Variants in HOXA2 observed in about 807,000 individuals in gnomAD.
HOXA2 encodes the protein homeobox A2.
HOXA2 carries 4 observed loss-of-function variants against 27.2 expected under a neutral mutation model. That is an observed-to-expected ratio of 0.15 (90% CI 0.07 to 0.34). The LOEUF (loss-of-function observed/expected upper bound fraction) is 0.34. HOXA2 is among the 10% of genes least tolerant of loss of function. HOXA2 has a pLI of 1.00. For synonymous variants in HOXA2, 200 were observed against 202.8 expected, an observed-to-expected ratio of 0.99 and a Z score of 0.12; for missense variants, 430 against 473.2, an observed-to-expected ratio of 0.91 and a Z score of 0.85.
In HOXA2 at chr7:27,100,550, G is replaced by A. The variant is rs1271001379; in HGVS notation, c.*176C>T. 1.5e-6 allele frequency: 1 copy of A among 677,506 alleles called. No homozygotes were observed. Among genetic ancestry groups the A allele is most frequent in the Non-Finnish European group, 2.5e-6 (1 of 398,990 alleles). 42.0% of individuals were successfully genotyped at this position (677,506 alleles called of 1,614,324 possible). A position where few individuals can be genotyped will look rare whatever the true frequency, so the allele number is the denominator to read the frequency against. ...TAAAACTCCAAAATAATCTGTAAAA[G>A]ATGGCTCTGTTTGAAACTGGGTCAG... On this transcript the variant is annotated 3_prime_UTR_variant, in exon 2 of 2. Coordinates refer to ENST00000222718, the MANE Select transcript of HOXA2 (RefSeq NM_006735.4).
chr7:27,101,981 G>A (rs1450214095), intron 1 of HOXA2, 129 bp downstream of exon 1: 1 of 1,364,270 alleles, frequency 7.3e-7, no homozygotes, highest in Non-Finnish European at 1.0e-6. Flanking sequence ...GCAGGGACAA[G>A]GCAACCAAGC....
rs1783908864 is a variant in HOXA2, at chr7:27,100,646, A to G, written c.*80T>C. On this transcript the variant is annotated 3_prime_UTR_variant, in exon 2 of 2. Coordinates refer to ENST00000222718, the MANE Select transcript of HOXA2 (RefSeq NM_006735.4). ...GTAGGTCAAGAAGAAAATAAAAAAT[A>G]AACTCCCAAATAAAAGAAGGCAAAA... 2 of 1,490,494 alleles carry G rather than the reference A, an allele frequency of 1.3e-6. 1 individual carries two copies. The highest frequency in any genetic ancestry group is 2.3e-5 in the South Asian group (2 of 86,360). The allele number at this position is 1,490,494 out of a possible 1,614,324, so 92.3% of individuals were successfully genotyped here. A position where few individuals can be genotyped will look rare whatever the true frequency, so the allele number is the denominator to read the frequency against.
Position 27,100,877 on chromosome 7 carries a change from A to C in HOXA2, c.980T>G (p.Val327Gly). ...LEVPSLQDFSVFSTDSCLQLS... is the reference protein window; with the variant it reads ...LEVPSLQDFSGFSTDSCLQLS... ...CTGCAGGCAGGAATCTGTGGAGAAA[A>C]CGCTAAAGTCCTGCAAAGAGGGGAC... The change falls in exon 2 of 2, where the codon GTT becomes GGT. Residue 327 changes from valine (V) to glycine (G), a missense_variant. By Grantham distance (109) the Val-to-Gly change is moderately radical. Transcript: ENST00000222718. 1 of 1,614,128 alleles carries C rather than the reference A, an allele frequency of 6.2e-7. No homozygotes were observed. Among genetic ancestry groups the C allele is most frequent in the Admixed American group, 1.7e-5 (1 of 60,020 alleles).
At chr7:27,101,550 A>G (rs1291970891) in intron 1 of HOXA2, 85 bp from the exon 2 acceptor site, 10 of 1,477,024 alleles carry the variant, frequency 6.8e-6, no homozygotes, top group African/African-American at 2.8e-5. Flanking sequence ...GAGAATAAAT[A>G]TAGCAGAAAA....
rs1194180092 is a variant in HOXA2 at position 27,100,767 on chromosome 7, C to T, written c.1090G>A (p.Asp364Asn). Reference sequence around the variant, plus strand: ...TGCAAGTCGATTGTGGTGAGTGTGTCTGTAAAAAAGTCTAAGCTGTCAGCT... The same window carrying T: ...TGCAAGTCGATTGTGGTGAGTGTGTTTGTAAAAAAGTCTAAGCTGTCAGCT... ...ISADSLDFFT[D>N]TLTTIDLQHL... The change falls in exon 2 of 2, where the codon GAC becomes AAC. Residue 364 changes from aspartate to asparagine, a missense_variant. Physicochemically the swap from Asp to Asn is conservative, Grantham distance 23 (BLOSUM62 1). Coordinates refer to ENST00000222718, the MANE Select transcript of HOXA2 (RefSeq NM_006735.4). 1.2e-6 allele frequency: 2 copies of T among 1,614,076 alleles called. No individual in the cohort carries two copies. The highest frequency in any genetic ancestry group is 3.3e-5 in the Admixed American group (2 of 60,008).
Position 27,102,027 on chromosome 7 carries a change from T to A in HOXA2, c.391+83A>T. 1.3e-6 allele frequency: 2 copies of A among 1,558,470 alleles called. No homozygotes were observed. Among genetic ancestry groups the A allele is most frequent in the Non-Finnish European group, 1.7e-6 (2 of 1,151,954 alleles). ...CTCCTCCTTCTCTCCCAGCCCACTCTCCCCTCCCCCCACAGCCACTCTCGG... is the reference window on the plus strand; with the variant it reads ...CTCCTCCTTCTCTCCCAGCCCACTCACCCCTCCCCCCACAGCCACTCTCGG... On this transcript the variant is annotated intron_variant, in intron 1 of 1. Coordinates refer to ENST00000222718, the MANE Select transcript of HOXA2 (RefSeq NM_006735.4). This position sits in a 1 kb window ranked among gnomAD's most constrained non-coding sequence, Gnocchi z 4.6.
rs1783909798 is a variant in HOXA2 at position 27,100,699 on chromosome 7, G to C, written c.*27C>G. ...ACCTGGTCAAAGGAGTTTTTGTTTG[G>C]TGATGCTTTGTTTTGCTTTAATGTT... On this transcript the variant is annotated 3_prime_UTR_variant, in exon 2 of 2. Coordinates refer to ENST00000222718, the MANE Select transcript of HOXA2 (RefSeq NM_006735.4). The C allele has an allele frequency of 1.2e-6, 2 of 1,613,446 alleles. No individual in the cohort carries two copies. The highest frequency in any genetic ancestry group is 1.7e-6 in the Non-Finnish European group (2 of 1,179,786).
rs1583408394 is a variant in HOXA2, at chr7:27,102,047, T to C, written c.391+63A>G. Reference sequence around the variant, plus strand: ...CACTCTCCCCTCCCCCCACAGCCACTCTCGGGGCAGCCCGGAGAAGGAAGA... The same window carrying C: ...CACTCTCCCCTCCCCCCACAGCCACCCTCGGGGCAGCCCGGAGAAGGAAGA... On this transcript the variant is annotated intron_variant, in intron 1 of 1. Transcript: ENST00000222718. This position sits in a 1 kb window ranked among gnomAD's most constrained non-coding sequence, Gnocchi z 4.6. The C allele has an allele frequency of 1.9e-6, 3 of 1,593,776 alleles. No individual in the cohort carries two copies. The highest frequency in any genetic ancestry group is 2.6e-6 in the Non-Finnish European group (3 of 1,172,582).
chr7:27,100,598 T>C lies in HOXA2; in HGVS notation c.*128A>G, dbSNP rs1269288165. 2 of 981,344 alleles carry C rather than the reference T, an allele frequency of 2.0e-6. No homozygotes were observed. The highest frequency in any genetic ancestry group is 3.1e-6 in the Non-Finnish European group (2 of 637,742). The allele number at this position is 981,344 out of a possible 1,614,324, so 60.8% of individuals were successfully genotyped here. On this transcript the variant is annotated 3_prime_UTR_variant, in exon 2 of 2. Coordinates refer to ENST00000222718, the MANE Select transcript of HOXA2 (RefSeq NM_006735.4). ...CAGGGAATCACTAAACAGAAAATCCTCAACACTTAAAGGAGGGAAGGGGTA... is the reference window on the plus strand; with the variant it reads ...CAGGGAATCACTAAACAGAAAATCCCCAACACTTAAAGGAGGGAAGGGGTA...
chr7:27,102,001 TCTC>T lies in HOXA2; in HGVS notation c.391+106_391+108del, dbSNP rs751462730. On this transcript the variant is annotated intron_variant, in intron 1 of 1. Transcript: ENST00000222718. The surrounding 1 kb of genome is among the most constrained non-coding windows in gnomAD (Gnocchi z 4.6). ...GACAAGGCAACCAAGCATCTCTCCC[TCTC>T]CTCCTTCTCTCCCAGCCCACTCTCC... 16 of 1,484,550 alleles carry T rather than the reference TCTC, an allele frequency of 1.1e-5. No homozygotes were observed. Among genetic ancestry groups the T allele is most frequent in the Admixed American group, 7.7e-5 (4 of 52,270 alleles). The allele number at this position is 1,484,550 out of a possible 1,614,324, so 92.0% of individuals were successfully genotyped here. A position where few individuals can be genotyped will look rare whatever the true frequency, so the allele number is the denominator to read the frequency against.
rs770656809 is a variant in HOXA2, at chr7:27,101,067, C to T, written c.790G>A (p.Gly264Arg). The T allele has an allele frequency of 1.2e-6, 2 of 1,614,174 alleles. No individual in the cohort carries two copies. Among genetic ancestry groups the T allele is most frequent in the Non-Finnish European group, 1.7e-6 (2 of 1,180,036 alleles). The change falls in exon 2 of 2, where the codon GGA becomes AGA. Residue 264 changes from glycine to arginine, a missense_variant. Gly to Arg is a moderately radical substitution (Grantham distance 125). Transcript: ENST00000222718. ...AAACTTTGGGAGTCGCCATTGTGTC[C>T]ATTGGGAGCCTGCTGCTGAGAGAGG... ...NALSQQQAPN[G>R]HNGDSQSFPV...
At position 27,102,525 on chromosome 7, in the gene HOXA2, G is replaced by T; in HGVS notation, c.-25C>A. On this transcript the variant is annotated 5_prime_UTR_variant, in exon 1 of 2. The change creates a new upstream start codon in the 5' untranslated region. Coordinates refer to ENST00000222718, the MANE Select transcript of HOXA2 (RefSeq NM_006735.4). This position sits in a 1 kb window ranked among gnomAD's most constrained non-coding sequence, Gnocchi z 4.6. ...TGGCCTTCTCCTTGGAGCCCCCTCA[G>T]AGAAAAAGTTCCCTCTTTTGGAGGG... 1 of 1,611,506 alleles carries T rather than the reference G, an allele frequency of 6.2e-7. No individual in the cohort carries two copies. Among genetic ancestry groups the T allele is most frequent in the South Asian group, 1.1e-5 (1 of 91,060 alleles).
intron 1 of HOXA2, 165 bp from the exon 2 acceptor site, chr7:27,101,630 G>A (rs1783927220): frequency 1.2e-6 from 1 of 820,670 alleles, no homozygotes; most frequent in East Asian, 2.7e-5. Flanking sequence ...TGGGAGCCCA[G>A]CCTGGGCAGA....
chr7:27,101,810 G>T (rs1438122286), intron 1 of HOXA2: 1 of 691,380 alleles, frequency 1.4e-6, no homozygotes, highest in Non-Finnish European at 2.6e-6. Flanking sequence ...CCAAACTCTA[G>T]GACAACTAGA....
At position 27,101,072 on chromosome 7, in the gene HOXA2, G is replaced by A. The variant is rs1233794937; in HGVS notation, c.785C>T (p.Pro262Leu). The change falls in exon 2 of 2, where the codon CCC becomes CTC. Residue 262 changes from proline (P) to leucine (L), a missense_variant. Transcript: ENST00000222718. The part of the protein sequence containing the change: ...QQNALSQQQA[P>L]NGHNGDSQSF... Reference sequence around the variant, plus strand: ...TTGGGAGTCGCCATTGTGTCCATTGGGAGCCTGCTGCTGAGAGAGGGCATT... The same window carrying A: ...TTGGGAGTCGCCATTGTGTCCATTGAGAGCCTGCTGCTGAGAGAGGGCATT... The A allele has an allele frequency of 1.9e-6, 3 of 1,614,180 alleles. No individual in the cohort carries two copies. Among genetic ancestry groups the A allele is most frequent in the Admixed American group, 1.7e-5 (1 of 60,024 alleles).
At position 27,100,604 on chromosome 7, in the gene HOXA2, C is replaced by CT; in HGVS notation, c.*121dup. 1 of 1,047,174 alleles carries CT rather than the reference C, an allele frequency of 9.5e-7. No individual in the cohort carries two copies. The highest frequency in any genetic ancestry group is 1.5e-6 in the Non-Finnish European group (1 of 689,036). 64.9% of individuals were successfully genotyped at this position (1,047,174 alleles called of 1,614,324 possible). A position where few individuals can be genotyped will look rare whatever the true frequency, so the allele number is the denominator to read the frequency against. On this transcript the variant is annotated 3_prime_UTR_variant, in exon 2 of 2. Transcript: ENST00000222718. ...ATCACTAAACAGAAAATCCTCAACA[C>CT]TTAAAGGAGGGAAGGGGTAGGTCAA...
Position 27,100,890 on chromosome 7 carries a change from G to A in HOXA2, c.967C>T (p.Gln323Ter), listed in dbSNP as rs138940688. 3 of 1,614,246 alleles carry A rather than the reference G, an allele frequency of 1.9e-6. No homozygotes were observed. Among genetic ancestry groups the A allele is most frequent in the Admixed American group, 3.3e-5 (2 of 60,026 alleles). Residue 323 changes from glutamine (Q) to a stop codon, truncating the protein, a stop_gained, in exon 2 of 2, where the codon CAG (glutamine) becomes TAG (stop). Coordinates refer to ENST00000222718, the MANE Select transcript of HOXA2 (RefSeq NM_006735.4). LOFTEE classifies it high-confidence loss of function. ...TCTGTGGAGAAAACGCTAAAGTCCT[G>A]CAAAGAGGGGACCTCAAGGGCCTCA... ...SPEALEVPSLQDFSVFSTDSC... is the reference protein window; with the variant it reads ...SPEALEVPSL
Position 27,102,136 on chromosome 7 carries a change from G to T in HOXA2, c.365C>A (p.Thr122Asn). The T allele has an allele frequency of 6.3e-7, 1 of 1,599,596 alleles. No homozygotes were observed. Among genetic ancestry groups the T allele is most frequent in the Non-Finnish European group, 8.5e-7 (1 of 1,173,826 alleles). Residue 122 changes from threonine to asparagine, a missense_variant, in exon 1 of 2, where the codon ACC becomes AAC. Physicochemically the swap from Thr to Asn is moderately conservative, Grantham distance 65 (BLOSUM62 0). Coordinates refer to ENST00000222718, the MANE Select transcript of HOXA2 (RefSeq NM_006735.4). The surrounding 1 kb of genome is among the most constrained non-coding windows in gnomAD (Gnocchi z 4.6). The part of the protein sequence containing the change: ...AAAAAATAAA[T>N]GPACLSHKES... Reference sequence around the variant, plus strand: ...TTTGTGGCTGAGGCAAGCAGGGCCGGTGGCTGCGGCGGTGGCGGCGGCGGC... The same window carrying T: ...TTTGTGGCTGAGGCAAGCAGGGCCGTTGGCTGCGGCGGTGGCGGCGGCGGC...
In HOXA2 at chr7:27,102,619, T is replaced by G; in HGVS notation, c.-119A>C. 1 of 953,286 alleles carries G rather than the reference T, an allele frequency of 1.0e-6. No individual in the cohort carries two copies. Among genetic ancestry groups the G allele is most frequent in the East Asian group, 2.6e-5 (1 of 38,942 alleles). The allele number at this position is 953,286 out of a possible 1,614,324, so 59.1% of individuals were successfully genotyped here. On this transcript the variant is annotated 5_prime_UTR_variant, in exon 1 of 2. Coordinates refer to ENST00000222718, the MANE Select transcript of HOXA2 (RefSeq NM_006735.4). The surrounding 1 kb of genome is among the most constrained non-coding windows in gnomAD (Gnocchi z 4.6). ...AAAAAAATCTATCATAGAATATCGC[T>G]GCTAGGGTGTTTTTTTTCTAATTCA...
Sources: allele counts gnomAD v4.1 joint callset, GRCh38; gene constraint gnomAD v4.1.1; non-coding constraint Gnocchi (gnomAD v3.1); transcripts MANE v1.5; gene names NCBI Gene and HGNC (gene_info 2026-07-23, HGNC 2026-07-21).